The following ZNF620 variants were observed in gnomAD, a reference collection of about 807,000 sequenced individuals.
ZNF620 encodes the protein zinc finger protein 620.
ZNF620 carries 10 observed loss-of-function variants against 13.3 expected under a neutral mutation model. The observed-to-expected ratio is 0.75, with a 90% CI of 0.46 to 1.28. The LOEUF is 1.28. ZNF620 is among the 50% of genes most tolerant of loss of function. The probability of loss-of-function intolerance (pLI) is 0.00; values close to 1 mark genes in which losing one functional copy is unlikely to be tolerated. For synonymous variants in ZNF620, 166 were observed against 177.6 expected, an observed-to-expected ratio of 0.93 and a Z score of 0.52; for missense variants, 461 against 500.2, an observed-to-expected ratio of 0.92 and a Z score of 0.75.
rs529480877 is a variant in ZNF620, at chr3:40,506,074, C to T, written c.-114C>T. The stretch of plus-strand genomic sequence containing the variant: ...CGGTGTCGGCGGCAGGTGGAATTTC[C>T]ACGCTTTATCTGCGCCTGCGCCGCG... On this transcript the variant is annotated 5_prime_UTR_variant, in exon 1 of 5. Transcript: ENST00000314529. 1 of 542,614 alleles carries T rather than the reference C, an allele frequency of 1.8e-6. No homozygotes were observed. Among genetic ancestry groups the T allele is most frequent in the African/African-American group, 1.9e-5 (1 of 52,504 alleles). The allele number at this position is 542,614 out of a possible 1,614,324, so 33.6% of individuals were successfully genotyped here. A position where few individuals can be genotyped will look rare whatever the true frequency, so the allele number is the denominator to read the frequency against.
At chr3:40,515,780 T>TTGTGTGTG (rs10550548) in intron 4 of ZNF620, 80 bp from the exon 5 acceptor site, 358 of 941,140 alleles carry the variant, frequency 3.8e-4, no homozygotes, top group African/African-American at 2.1e-3. Flanking sequence ...AGCACAGATA[T>TTGTGTGTG]TGTGTGTGTG....
rs949802858 is a variant in ZNF620 at position 40,506,075 on chromosome 3, A to G, written c.-113A>G. ...GGTGTCGGCGGCAGGTGGAATTTCC[A>G]CGCTTTATCTGCGCCTGCGCCGCGC... On this transcript the variant is annotated 5_prime_UTR_variant, in exon 1 of 5. Transcript: ENST00000314529. 64 of 544,236 alleles carry G rather than the reference A, an allele frequency of 1.2e-4. 4 individuals are homozygous for G. The South Asian group carries it at 1.3e-3, about 11-fold the overall frequency. 33.7% of individuals were successfully genotyped at this position (544,236 alleles called of 1,614,324 possible). A position where few individuals can be genotyped will look rare whatever the true frequency, so the allele number is the denominator to read the frequency against.
Position 40,516,036 on chromosome 3 carries a change from A to C in ZNF620, c.442A>C (p.Arg148=). The C allele has an allele frequency of 6.2e-7, 1 of 1,614,208 alleles. No homozygotes were observed. Among genetic ancestry groups the C allele is most frequent in the Non-Finnish European group, 8.5e-7 (1 of 1,180,040 alleles). ...GHWIIKTKSK[R]RHFTDTSARH... is the part of the protein sequence containing the mutation. The stretch of plus-strand genomic sequence containing the variant: ...TTGGATAATTAAGACAAAGTCAAAG[A>C]GGAGACATTTCACAGATACCTCAGC... Residue 148 remains arginine (R), a synonymous_variant, in exon 5 of 5, where the codon AGG becomes CGG. Transcript: ENST00000314529.
In ZNF620 at chr3:40,516,788, T is replaced by TA. The variant is rs1182414845; in HGVS notation, c.1198dup (p.Thr400AsnfsTer61). 1.9e-6 allele frequency: 3 copies of TA among 1,614,048 alleles called. No individual in the cohort carries two copies. In the African/African-American group the frequency reaches 4.0e-5, roughly 22 times the overall value. ...AACCTTATGAGTGTAAAGTGTGTGG[T>TA]AAAACCTTCAGCTGGTGTGGAAGAT... On this transcript the variant is annotated frameshift_variant, in exon 5 of 5. Transcript: ENST00000314529. LOFTEE classifies it low-confidence loss of function (END_TRUNC).
intron 2 of ZNF620, among the ~76,000 whole-genome samples, chr3:40,508,061 TA>T (rs1698085848): frequency 6.6e-6 from 1 of 152,202 alleles, no homozygotes; most frequent in Non-Finnish European, 1.5e-5. Context: ...CTTCTTTTAT[TA>T]CTAATATTAA....
intron 3 of ZNF620, among the ~76,000 whole-genome samples, chr3:40,511,959 T>C (rs771035387): frequency 3.9e-5 from 6 of 152,120 alleles, no homozygotes; most frequent in Admixed American, 6.5e-5. Flanking sequence ...TGGGAAGACA[T>C]GTGTGAGCCA....
intron 4 of ZNF620, among the ~76,000 whole-genome samples, chr3:40,514,059 C>T (rs1279407720): frequency 2.6e-5 from 4 of 151,944 alleles, no homozygotes; most frequent in Admixed American, 1.3e-4. Flanking sequence ...TCCCTTTCCC[C>T]GGGGGAGTTA....
rs921308631 is a variant in ZNF620, at chr3:40,517,283, C to T, written c.*420C>T. On this transcript the variant is annotated 3_prime_UTR_variant, in exon 5 of 5. Transcript: ENST00000314529. Reference sequence around the variant, plus strand: ...CGGGGCCAGGCGCGGTGGCTCGTGCCTGTAATCCCAGCACTTTGGGAGGCT... The same window carrying T: ...CGGGGCCAGGCGCGGTGGCTCGTGCTTGTAATCCCAGCACTTTGGGAGGCT... The T allele has an allele frequency of 6.5e-6, 1 of 154,366 alleles. No individual in the cohort carries two copies. Among genetic ancestry groups the T allele is most frequent in the Non-Finnish European group, 1.4e-5 (1 of 69,588 alleles). The allele number at this position is 154,366 out of a possible 1,614,324, so 9.6% of individuals were successfully genotyped here. A position where few individuals can be genotyped will look rare whatever the true frequency, so the allele number is the denominator to read the frequency against.
At chr3:40,509,452 G>A (rs988360610) in intron 2 of ZNF620, among the ~76,000 whole-genome samples, 11 of 151,926 alleles carry the variant, frequency 7.2e-5, no homozygotes, top group East Asian at 1.9e-4. Context: ...GGCTGGTCTC[G>A]AACTCTTGGC....
At position 40,506,362 on chromosome 3, in the gene ZNF620, A is replaced by G. The variant is rs199858039; in HGVS notation, c.10A>G (p.Thr4Ala). 2.3e-4 allele frequency: 371 copies of G among 1,613,940 alleles called. 2 individuals carry two copies. Among genetic ancestry groups the G allele is most frequent in the South Asian group, 2.3e-3 (205 of 91,008 alleles). The change falls in exon 2 of 5, where the codon ACC becomes GCC. Residue 4 changes from threonine (T) to alanine (A), a missense_variant. By Grantham distance (58) the Thr-to-Ala change is moderately conservative. Coordinates refer to ENST00000314529, the MANE Select transcript of ZNF620 (RefSeq NM_175888.4). ...AGCTGGGACGCCAGCCATGTTCCAG[A>G]CCGCTTGGCGCCAGGTGAGTGAGCA... MFQ[T>A]AWRQEPVTFE...
At chr3:40,506,713 T>G (rs1399028021) in intron 2 of ZNF620, among the ~76,000 whole-genome samples, 2 of 152,246 alleles carry the variant, frequency 1.3e-5, no homozygotes, top group Non-Finnish European at 2.9e-5. Flanking sequence ...AGTAACTGTT[T>G]TGTAGATTCC....
chr3:40,508,709 C>T, intron 2 of ZNF620: 1 of 455,726 alleles, frequency 2.2e-6, no homozygotes, highest in Non-Finnish European at 4.4e-6. Flanking sequence ...TCACAGCTCA[C>T]TGCAGCCTCC....
rs530825412 is a variant in ZNF620 at position 40,506,241 on chromosome 3, G to C, written c.-49-63G>C. 2,101 of 1,379,794 alleles carry C rather than the reference G, an allele frequency of 1.5e-3. 13 individuals carry two copies. The African/African-American group carries it at 0.018, about 12-fold the overall frequency. 85.5% of individuals were successfully genotyped at this position (1,379,794 alleles called of 1,614,324 possible). A position where few individuals can be genotyped will look rare whatever the true frequency, so the allele number is the denominator to read the frequency against. On this transcript the variant is annotated intron_variant, in intron 1 of 4. Transcript: ENST00000314529. ...AAAGGAGAGGGGCCCAAGTAGCACA[G>C]AGGGCATTTGCGGGGTGCGAGGCAG...
At chr3:40,507,089 GTTT>G (rs370195603) in intron 2 of ZNF620, among the ~76,000 whole-genome samples, 41 of 98,160 alleles carry the variant, frequency 4.2e-4, no homozygotes, top group African/African-American at 1.6e-3. Context: ...TGACCATATG[GTTT>G]TTTTTTTTTT....
chr3:40,512,124 A>G (rs545450767), intron 3 of ZNF620, among the ~76,000 whole-genome samples: 8 of 152,328 alleles, frequency 5.3e-5, no homozygotes, highest in Admixed American at 4.6e-4. Flanking sequence ...TACCCAAAAC[A>G]TGGGGGGGAA....
intron 2 of ZNF620, 86 bp from the exon 3 acceptor site, chr3:40,511,384 C>T: frequency 6.5e-7 from 1 of 1,543,660 alleles, no homozygotes; most frequent in South Asian, 1.2e-5. Context: ...CTTGGCAATA[C>T]CACTAGACCC....
Position 40,518,159 on chromosome 3 carries a change from G to GTGGAA in ZNF620, c.*1297_*1301dup, listed in dbSNP as rs1319603211. 6.6e-6 allele frequency: 1 copy of GTGGAA among 152,186 alleles called. No homozygotes were observed. The highest frequency in any genetic ancestry group is 1.5e-5 in the Non-Finnish European group (1 of 68,036). The allele number at this position is 152,186 out of a possible 1,614,324, so 9.4% of individuals were successfully genotyped here. On this transcript the variant is annotated 3_prime_UTR_variant, in exon 5 of 5. Coordinates refer to ENST00000314529, the MANE Select transcript of ZNF620 (RefSeq NM_175888.4). ...GAACCTACCATTATTGCTGTTACCT[G>GTGGAA]TGGAAATGAGGGAAGATGTAAATGT... is the stretch of plus-strand genomic sequence containing the variant.
rs747323667 is a variant in ZNF620, at chr3:40,515,957, G to A, written c.363G>A (p.Gly121=). Residue 121 remains glycine, a synonymous_variant, in exon 5 of 5, where the codon GGG becomes GGA. Transcript: ENST00000314529. ...SFRLMVGGLP[G]NVSQHLDFGS... ...GACTGATGGTGGGGGGCCTGCCAGG[G>A]AATGTTTCCCAGCACCTTGACTTTG... is the stretch of plus-strand genomic sequence containing the variant. 6.2e-7 allele frequency: 1 copy of A among 1,614,160 alleles called. No individual in the cohort carries two copies. Among genetic ancestry groups the A allele is most frequent in the South Asian group, 1.1e-5 (1 of 91,076 alleles).
intron 2 of ZNF620, among the ~76,000 whole-genome samples, chr3:40,507,501 A>G (rs999437153): frequency 6.6e-6 from 1 of 152,196 alleles, no homozygotes; most frequent in Admixed American, 6.5e-5. Flanking sequence ...TTAGTACTAT[A>G]TATTGAATTT....
Sources: gnomAD v4.1 joint callset for allele counts (sites outside exome capture counted in the v4.1 genomes callset) on GRCh38, gnomAD v4.1.1 for gene constraint, MANE v1.5 for transcripts, NCBI Gene and HGNC (gene_info 2026-07-23, HGNC 2026-07-21) for gene names.